The following NBPF11 variants were observed in gnomAD, a reference collection of about 807,000 sequenced individuals.
NBPF11 encodes NBPF family member NBPF11.
A neutral mutation model predicts 93.9 loss-of-function variants in NBPF11; 72 were observed. The observed-to-expected ratio is 0.77, with a 90% confidence interval of 0.63 to 0.93. NBPF11 has a LOEUF of 0.93. Ranked by LOEUF, NBPF11 falls within the 40% of genes least tolerant of loss-of-function variation. The pLI is 0.00. For synonymous variants in NBPF11, 224 were observed against 304.9 expected (o/e 0.73, Z 2.76); for missense variants, 705 against 802.2 (o/e 0.88, Z 1.46).
intron 7 of NBPF11, among the ~76,000 whole-genome samples, chr1:148,123,469 T>C (rs1244158465): frequency 3.9e-5 from 6 of 152,088 alleles, no homozygotes; most frequent in African/African-American, 1.5e-4. Flanking sequence ...TCTGGAAAGA[T>C]AAATCACTCA....
chr1:148,118,525 T>C, intron 11 of NBPF11, 95 bp downstream of exon 11: 3 of 1,031,406 alleles, frequency 2.9e-6, no homozygotes, highest in South Asian at 2.5e-5. Flanking sequence ...GCCCTTCCCC[T>C]GGCCCAGCTT....
chr1:148,112,068 A>G (rs1665416761), intron 15 of NBPF11, among the ~76,000 whole-genome samples: 1 of 140,778 alleles, frequency 7.1e-6, no homozygotes, highest in Admixed American at 7.0e-5. Flanking sequence ...CACAAACCCT[A>G]CAAGCCAGAA....
chr1:148,118,113 T>C (rs1666989246), intron 11 of NBPF11, among the ~76,000 whole-genome samples: 1 of 148,400 alleles, frequency 6.7e-6, no homozygotes, highest in Non-Finnish European at 1.5e-5. Flanking sequence ...CATGTGAAAA[T>C]ACACATAGTG....
In NBPF11 at chr1:148,129,276, A is replaced by G. The variant is rs1392362183; in HGVS notation, c.-35-2238T>C. 1.3e-3 allele frequency among the ~76,000 whole-genome samples: 196 copies of G among 147,668 alleles called. 2 individuals are homozygous for G. Among genetic ancestry groups the G allele is most frequent in the African/African-American group, 4.4e-3 (176 of 40,292 alleles). ...GTATATATATAATACGTGTATATAC[A>G]TAATATACAATATATATAACACGTG... On this transcript the variant is annotated intron_variant, in intron 4 of 23. Transcript: ENST00000682118.
chr1:148,102,174 T>C lies in NBPF11; in HGVS notation c.*1722A>G, dbSNP rs1267844566. On this transcript the variant is annotated 3_prime_UTR_variant, in exon 24 of 24. Coordinates refer to ENST00000682118, the MANE Select transcript of NBPF11 (RefSeq NM_001385469.3). ...AGTGATAGGCAAAAGGTTTTAATTG[T>C]ATAGATTAAAATTAACTTTGGACAA... 2.0e-5 allele frequency: 3 copies of C among 152,078 alleles called. No individual in the cohort carries two copies. Among genetic ancestry groups the C allele is most frequent in the Non-Finnish European group, 4.4e-5 (3 of 68,046 alleles). The allele number at this position is 152,078 out of a possible 1,614,324, so 9.4% of individuals were successfully genotyped here. A position where few individuals can be genotyped will look rare whatever the true frequency, so the allele number is the denominator to read the frequency against.
In NBPF11 at chr1:148,106,316, G is replaced by T. The variant is rs1201171034; in HGVS notation, c.2252-84C>A. ...GTCCACTGTCTAATCCCCACACAGG[G>T]ATCTCAGGCTCCTCAGCATGAGAAC... is the stretch of plus-strand genomic sequence containing the variant. On this transcript the variant is annotated intron_variant, in intron 20 of 23. Transcript: ENST00000682118. 5.3e-5 allele frequency: 37 copies of T among 694,908 alleles called. No individual in the cohort carries two copies. In the African/African-American group the frequency reaches 6.2e-4, roughly 12 times the overall value. 43.0% of individuals were successfully genotyped at this position (694,908 alleles called of 1,614,324 possible).
chr1:148,111,107 T>A (rs1665150956), intron 15 of NBPF11, among the ~76,000 whole-genome samples: 2 of 150,208 alleles, frequency 1.3e-5, no homozygotes, highest in Admixed American at 1.3e-4. Context: ...AATCTCTGTT[T>A]GAGGGTCTGG....
chr1:148,108,029 T>C (rs1341057584), intron 18 of NBPF11, among the ~76,000 whole-genome samples: 3 of 150,702 alleles, frequency 2.0e-5, no homozygotes, highest in African/African-American at 7.3e-5. Flanking sequence ...TTATGCCATA[T>C]TTTTCCAATC....
chr1:148,130,811 C>T (rs1670199947), intron 4 of NBPF11, among the ~76,000 whole-genome samples: 1 of 151,910 alleles, frequency 6.6e-6, no homozygotes, highest in Non-Finnish European at 1.5e-5. Flanking sequence ...AGCCTTTCAA[C>T]CCTCAGCCCC....
At position 148,118,620 on chromosome 1, in the gene NBPF11, C is replaced by T. The variant is rs1202174802; in HGVS notation, c.1091G>A (p.Arg364Lys). ...GCCTGCCCCCATGGGGTCCCCTCAC[C>T]TGAGCTCCTCAGCTTGCTTCAGCTG... ...AEQLKQAEELRQYKVLVHSQE... is the reference protein window; with the variant it reads ...AEQLKQAEELKQYKVLVHSQE... The change falls in exon 11 of 24, where the codon AGG (arginine) becomes AAG (lysine). Residue 364 changes from arginine to lysine, a missense_variant and splice_region_variant. Coordinates refer to ENST00000682118, the MANE Select transcript of NBPF11 (RefSeq NM_001385469.3). 3.7e-5 allele frequency: 59 copies of T among 1,611,638 alleles called. No homozygotes were observed. Among genetic ancestry groups the T allele is most frequent in the Non-Finnish European group, 4.6e-5 (54 of 1,179,180 alleles).
In NBPF11 at chr1:148,125,544, T is replaced by C. The variant is rs1668911957; in HGVS notation, c.176-543A>G. On this transcript the variant is annotated intron_variant, in intron 5 of 23. Transcript: ENST00000682118. ...TGTGAGACATAAGACAATAAGGCCA[T>C]GAAGAAAATATGCCCAAATACTTTA... Among the ~76,000 whole-genome samples the C allele has an allele frequency of 2.0e-5, 3 of 152,152 alleles. No homozygotes were observed. In the South Asian group the frequency reaches 6.2e-4, roughly 32 times the overall value.
intron 1 of NBPF11, among the ~76,000 whole-genome samples, chr1:148,146,104 G>A (rs1553276760): frequency 1.3e-5 from 2 of 151,982 alleles, no homozygotes. Context: ...GCACGGGCGG[G>A]CGGCCGGGAG....
chr1:148,120,685 T>A lies in NBPF11; in HGVS notation c.804A>T (p.Thr268=). 6.5e-7 allele frequency: 1 copy of A among 1,534,922 alleles called. No homozygotes were observed. The highest frequency in any genetic ancestry group is 1.1e-5 in the South Asian group (1 of 89,486). ...CGGCTGATACCACCATGCTGACGTT[T>A]GTGGCAGAAGAGGTGGGGCCAGGGA... ...LPVPGPTSSA[T]NVSMVVSAGP... Residue 268 remains threonine, a synonymous_variant, in exon 10 of 24, where the codon ACA becomes ACT. Transcript: ENST00000682118.
intron 1 of NBPF11, chr1:148,149,679 C>A (rs1484854889): frequency 1.8e-5 from 14 of 786,924 alleles, no homozygotes; most frequent in Admixed American, 1.4e-4. Flanking sequence ...CAGGGGACCC[C>A]GCCCCGACCC....
At chr1:148,124,612 G>A (rs1668655904) in intron 6 of NBPF11, among the ~76,000 whole-genome samples, 1 of 151,692 alleles carries the variant, frequency 6.6e-6, no homozygotes, top group South Asian at 2.1e-4. Flanking sequence ...TGATTATACT[G>A]AATGCTGCTG....
intron 11 of NBPF11, 123 bp from the exon 12 acceptor site, chr1:148,117,909 G>T: frequency 1.7e-6 from 1 of 600,038 alleles, no homozygotes; most frequent in Non-Finnish European, 3.0e-6. Context: ...GTCAGCACAT[G>T]TTGAAAGGAA....
rs1371005496 is a variant in NBPF11, at chr1:148,121,644, T to G, written c.778+411A>C. On this transcript the variant is annotated intron_variant, in intron 9 of 23. Transcript: ENST00000682118. ...TGCTCGGATTACAGGTGTGACCCAC[T>G]GCGCCCAGCCAAGACTTATTAATAG... Among the ~76,000 whole-genome samples the G allele has an allele frequency of 8.0e-3, 1,221 of 151,830 alleles. 43 individuals are homozygous for G. Among genetic ancestry groups the G allele is most frequent in the African/African-American group, 0.028 (1,145 of 41,210 alleles).
At position 148,138,604 on chromosome 1, in the gene NBPF11, C is replaced by G. The variant is rs1201734869; in HGVS notation, c.-276-795G>C. Among the ~76,000 whole-genome samples, 37 of 151,312 alleles carry G rather than the reference C, an allele frequency of 2.4e-4. 4 individuals carry two copies. Among genetic ancestry groups the G allele is most frequent in the African/African-American group, 9.0e-4 (37 of 40,946 alleles). On this transcript the variant is annotated intron_variant, in intron 2 of 23. Transcript: ENST00000682118. Reference sequence around the variant, plus strand: ...TCAAGCATTTGTTTAACAAAGCACACCCTGAACAGCCCTTAATCCATTTAA... The same window carrying G: ...TCAAGCATTTGTTTAACAAAGCACAGCCTGAACAGCCCTTAATCCATTTAA...
chr1:148,133,354 C>T (rs1368655956), intron 4 of NBPF11, among the ~76,000 whole-genome samples: 2 of 151,930 alleles, frequency 1.3e-5, no homozygotes, highest in Non-Finnish European at 2.9e-5. Flanking sequence ...TAGTATAATG[C>T]TGAATTAAAA....
Sources: gnomAD v4.1 joint callset for allele counts (sites outside exome capture counted in the v4.1 genomes callset) on GRCh38, gnomAD v4.1.1 for gene constraint, MANE v1.5 for transcripts, NCBI Gene and HGNC (gene_info 2026-07-23, HGNC 2026-07-21) for gene names.